Variants in CHRNA6 observed in about 807,000 individuals in gnomAD.
CHRNA6 encodes the protein neuronal acetylcholine receptor subunit alpha-6.
In CHRNA6, 31 loss-of-function variants were observed where a neutral mutation model predicts 40.9. The ratio of observed to expected loss-of-function variants is 0.76; its 90% CI spans 0.57 to 1.02. The LOEUF (loss-of-function observed/expected upper bound fraction) is 1.02. Ranked by LOEUF, CHRNA6 falls within the 50% of genes least tolerant of loss-of-function variation. The probability of loss-of-function intolerance (pLI) is 0.00; values close to 1 mark genes in which losing one functional copy is unlikely to be tolerated. For missense variants in CHRNA6, 546 were observed against 596.6 expected (o/e 0.92, Z 0.88); for synonymous variants, 222 against 221.3 (o/e 1.00, Z -0.03).
chr8:42,753,516 A>C (rs1002868743), intron 5 of CHRNA6, among the ~76,000 whole-genome samples: 1 of 152,128 alleles, frequency 6.6e-6, no homozygotes, highest in Non-Finnish European at 1.5e-5. Context: ...TCTACTAAAA[A>C]TACAAAAGAT....
At chr8:42,765,726 C>G (rs1365589573) in intron 1 of CHRNA6, among the ~76,000 whole-genome samples, 5 of 152,136 alleles carry the variant, frequency 3.3e-5, no homozygotes. Context: ...ATGGTCTTCG[C>G]AAGTCATGTT....
rs751829318 is a variant in CHRNA6 at position 42,756,073 on chromosome 8, T to C, written c.1126A>G (p.Arg376Gly). 10 of 1,614,128 alleles carry C rather than the reference T, an allele frequency of 6.2e-6. No homozygotes were observed. The East Asian group carries it at 1.8e-4, about 29-fold the overall frequency. ...GCAAGCTTGCCTTTGGCAGGCCTCC[T>C]GGCAAGGCCTCTGGGCACTGCATCA... ...GSDAVPRGLA[R>G]RPAKGKLASH... Residue 376 changes from arginine (R) to glycine (G), a missense_variant, in exon 5 of 6, where the codon AGG becomes GGG. Arg to Gly is a moderately radical substitution (Grantham distance 125, BLOSUM62 -2). Transcript: ENST00000276410.
intron 2 of CHRNA6, among the ~76,000 whole-genome samples, chr8:42,760,211 A>G (rs1816879401): frequency 6.6e-6 from 1 of 151,980 alleles, no homozygotes; most frequent in Admixed American, 6.6e-5. Flanking sequence ...ACACACACAT[A>G]TGCACACACA....
rs201127531 is a variant in CHRNA6 at position 42,756,669 on chromosome 8, C to A, written c.530G>T (p.Gly177Val). The part of the protein sequence containing the change: ...FDHQNCSLKF[G>V]SWTYDKAEID... ...TTCAGCTTTGTCATACGTCCAGGAA[C>A]CAAATTTTAGGGAACAGTTTTGATG... Residue 177 changes from glycine to valine, a missense_variant, in exon 5 of 6, where the codon GGT (glycine) becomes GTT (valine). Physicochemically the swap from Gly to Val is moderately radical, Grantham distance 109. Coordinates refer to ENST00000276410, the MANE Select transcript of CHRNA6 (RefSeq NM_004198.3). The A allele has an allele frequency of 6.2e-7, 1 of 1,614,080 alleles. No individual in the cohort carries two copies. Among genetic ancestry groups the A allele is most frequent in the Non-Finnish European group, 8.5e-7 (1 of 1,180,018 alleles).
intron 1 of CHRNA6, among the ~76,000 whole-genome samples, 165 bp downstream of exon 1, chr8:42,768,187 C>T (rs1816998335): frequency 6.6e-6 from 1 of 152,134 alleles, no homozygotes; most frequent in African/African-American, 2.4e-5. Flanking sequence ...TGTATTACAC[C>T]TAACAAATAA....
At position 42,753,321 on chromosome 8, in the gene CHRNA6, A is replaced by AACAAAC. The variant is rs1441989859; in HGVS notation, c.1354-12_1354-11insGTTTGT. The AACAAAC allele has an allele frequency of 1.3e-6, 2 of 1,596,900 alleles. No homozygotes were observed. Among genetic ancestry groups the AACAAAC allele is most frequent in the Non-Finnish European group, 8.5e-7 (1 of 1,176,224 alleles). Reference sequence around the variant, plus strand: ...CCAGTCATCTTCTACCTGAAATGCAAACAAAAATTAAGAGCTGTTTTAAAA... The same window carrying AACAAAC: ...CCAGTCATCTTCTACCTGAAATGCAAACAAACACAAAAATTAAGAGCTGTTTTAAAA... On this transcript the variant is annotated splice_polypyrimidine_tract_variant and intron_variant, in intron 5 of 5. Transcript: ENST00000276410.
At position 42,768,566 on chromosome 8, in the gene CHRNA6, A is replaced by G. The variant is rs1196977055; in HGVS notation, c.-136T>C. 7.9e-6 allele frequency: 5 copies of G among 629,686 alleles called. No individual in the cohort carries two copies. Among genetic ancestry groups the G allele is most frequent in the Non-Finnish European group, 1.2e-5 (4 of 347,254 alleles). 39.0% of individuals were successfully genotyped at this position (629,686 alleles called of 1,614,324 possible). ...TCCGTGTGTGTCTTCTCAGAAATCAAAACATCCCCGGGACTTCACACGGTT... is the reference window on the plus strand; with the variant it reads ...TCCGTGTGTGTCTTCTCAGAAATCAGAACATCCCCGGGACTTCACACGGTT... On this transcript the variant is annotated 5_prime_UTR_variant, in exon 1 of 6. Transcript: ENST00000276410.
intron 2 of CHRNA6, 88 bp downstream of exon 2, chr8:42,764,977 G>T (rs891922515): frequency 9.3e-6 from 13 of 1,402,162 alleles, no homozygotes; most frequent in Admixed American, 1.9e-5. Context: ...GTGTAGATTT[G>T]CATCTATCTG....
intron 2 of CHRNA6, among the ~76,000 whole-genome samples, chr8:42,763,373 A>G (rs1458016744): frequency 1.3e-5 from 2 of 152,196 alleles, no homozygotes; most frequent in Non-Finnish European, 2.9e-5. Flanking sequence ...TAACCTTTAG[A>G]TTTCTGTTGC....
chr8:42,758,840 C>A (rs574366323), intron 3 of CHRNA6, among the ~76,000 whole-genome samples: 82 of 152,304 alleles, frequency 5.4e-4, no homozygotes, highest in African/African-American at 2.0e-3. Flanking sequence ...CTGAGAGCAG[C>A]AACCAGGAAG....
In CHRNA6 at chr8:42,765,088, C is replaced by T. The variant is rs1210978974; in HGVS notation, c.196G>A (p.Ala66Thr). 2.5e-6 allele frequency: 4 copies of T among 1,614,110 alleles called. No individual in the cohort carries two copies. The highest frequency in any genetic ancestry group is 3.4e-6 in the Non-Finnish European group (4 of 1,179,970). ...SDPVTVHFEV[A>T]ITQLANVDEV... ...ACCACGTTGGCCAGCTGGGTGATGG[C>T]CACTTCAAAGTGTACCGTGACAGGG... The change falls in exon 2 of 6, where the codon GCC becomes ACC. Residue 66 changes from alanine (A) to threonine (T), a missense_variant. This residue lies in a region of CHRNA6 where 476 missense variants were observed against 494.5 expected (regional missense o/e 0.96). Transcript: ENST00000276410.
intron 2 of CHRNA6, among the ~76,000 whole-genome samples, chr8:42,762,391 C>T (rs569511446): frequency 1.1e-4 from 16 of 152,288 alleles, no homozygotes; most frequent in Non-Finnish European, 1.6e-4. Flanking sequence ...TGGCTCACAC[C>T]TGTAATCCCC....
At chr8:42,760,243 A>G (rs1449883407) in intron 2 of CHRNA6, among the ~76,000 whole-genome samples, 1 of 151,858 alleles carries the variant, frequency 6.6e-6, no homozygotes, top group Non-Finnish European at 1.5e-5. Context: ...ACACACGCAC[A>G]CTCATGCACA....
chr8:42,756,810 A>T lies in CHRNA6; in HGVS notation c.389T>A (p.Phe130Tyr), dbSNP rs748564975. The stretch of plus-strand genomic sequence containing the variant: ...AGCTTTTGTTTTGCCTTCTACTTGG[A>T]AGTCACCAACAGCACTGCAAAGCAA... The part of the protein sequence containing the change: ...IVLYNNAVGD[F>Y]QVEGKTKALL... The change falls in exon 5 of 6, where the codon TTC becomes TAC. Residue 130 changes from phenylalanine to tyrosine, a missense_variant. Phe to Tyr is a conservative substitution (Grantham distance 22). This residue lies in a region of CHRNA6 where 476 missense variants were observed against 494.5 expected (regional missense o/e 0.96). Coordinates refer to ENST00000276410, the MANE Select transcript of CHRNA6 (RefSeq NM_004198.3). The T allele has an allele frequency of 6.2e-7, 1 of 1,607,870 alleles. No individual in the cohort carries two copies. The highest frequency in any genetic ancestry group is 1.7e-5 in the Admixed American group (1 of 58,842).
chr8:42,765,579 AC>A (rs1353987433), intron 1 of CHRNA6, among the ~76,000 whole-genome samples: 1 of 152,192 alleles, frequency 6.6e-6, no homozygotes, highest in Non-Finnish European at 1.5e-5. Context: ...ATGGCACTAG[AC>A]CCTTTCCAGT....
intron 1 of CHRNA6, among the ~76,000 whole-genome samples, chr8:42,767,608 A>C (rs919710259): frequency 3.9e-5 from 6 of 152,230 alleles, no homozygotes; most frequent in African/African-American, 1.4e-4. Context: ...CCTGACGAAT[A>C]CCTTAGGAAA....
intron 2 of CHRNA6, among the ~76,000 whole-genome samples, chr8:42,764,043 G>A (rs990039039): frequency 3.9e-5 from 6 of 152,090 alleles, no homozygotes; most frequent in Non-Finnish European, 7.4e-5. Flanking sequence ...ATGCTCTAGC[G>A]CCCCTCTCTG....
intron 2 of CHRNA6, among the ~76,000 whole-genome samples, chr8:42,762,091 G>A (rs1816912696): frequency 6.6e-6 from 1 of 152,174 alleles, no homozygotes; most frequent in East Asian, 1.9e-4. Context: ...TGGTGCTCCA[G>A]AGCCAAGCTG....
chr8:42,764,942 G>T (rs1586428777), intron 2 of CHRNA6, 123 bp downstream of exon 2: 5 of 1,064,522 alleles, frequency 4.7e-6, no homozygotes, highest in Non-Finnish European at 6.7e-6. Flanking sequence ...CCTCCCAAAT[G>T]GATGGCTTTG....
Sources: allele counts gnomAD v4.1 joint callset (sites outside exome capture counted in the v4.1 genomes callset), GRCh38; gene constraint gnomAD v4.1.1; regional missense constraint gnomAD v4.1.1; transcripts MANE v1.5; gene names NCBI Gene and HGNC (gene_info 2026-07-23, HGNC 2026-07-21).